Variants in ITGBL1 observed in about 807,000 individuals in gnomAD.
The protein encoded by ITGBL1 is integrin subunit beta like 1, also known as integrin beta-like protein 1.
A neutral mutation model predicts 68.5 loss-of-function variants in ITGBL1; 51 were observed. The ratio of observed to expected loss-of-function variants is 0.74; its 90% CI spans 0.59 to 0.94. The LOEUF (loss-of-function observed/expected upper bound fraction) is 0.94. Among genes scored for constraint, ITGBL1 ranks in the 40% least tolerant of loss-of-function variants. The pLI is 0.00. For missense variants in ITGBL1, 649 were observed against 647.4 expected (o/e 1.00, Z -0.03); for synonymous variants, 209 against 227.3 (o/e 0.92, Z 0.72).
Position 101,715,835 on chromosome 13 carries a change from G to T in ITGBL1, c.*181G>T. 1 of 467,120 alleles carries T rather than the reference G, an allele frequency of 2.1e-6. No homozygotes were observed. 28.9% of individuals were successfully genotyped at this position (467,120 alleles called of 1,614,324 possible). A position where few individuals can be genotyped will look rare whatever the true frequency, so the allele number is the denominator to read the frequency against. ...AGAAATGAGTTATGCAAATTTAGATGCAAATAACATTAGAAAAAAAAGATT... is the reference window on the plus strand; with the variant it reads ...AGAAATGAGTTATGCAAATTTAGATTCAAATAACATTAGAAAAAAAAGATT... On this transcript the variant is annotated 3_prime_UTR_variant, in exon 11 of 11. Coordinates refer to ENST00000376180, the MANE Select transcript of ITGBL1 (RefSeq NM_004791.3).
intron 2 of ITGBL1, among the ~76,000 whole-genome samples, chr13:101,508,198 A>G (rs956938653): frequency 1.3e-5 from 2 of 152,172 alleles, no homozygotes; most frequent in Admixed American, 6.6e-5. Flanking sequence ...TAAGCTCCAT[A>G]AAAGCAAGAA....
At chr13:101,615,869 G>A (rs909028729) in intron 7 of ITGBL1, among the ~76,000 whole-genome samples, 1 of 152,128 alleles carries the variant, frequency 6.6e-6, no homozygotes, top group Non-Finnish European at 1.5e-5. Flanking sequence ...CACCATGTGA[G>A]GACACAGTGA....
chr13:101,453,889 G>T lies in ITGBL1; in HGVS notation c.105G>T (p.Trp35Cys). 2 of 1,245,202 alleles carry T rather than the reference G, an allele frequency of 1.6e-6. No homozygotes were observed. The highest frequency in any genetic ancestry group is 1.0e-6 in the Non-Finnish European group (1 of 995,898). The allele number at this position is 1,245,202 out of a possible 1,614,324, so 77.1% of individuals were successfully genotyped here. The change falls in exon 2 of 11, where the codon TGG becomes TGT. Residue 35 changes from tryptophan to cysteine, a missense_variant. By Grantham distance (215) the Trp-to-Cys change is radical. Transcript: ENST00000376180. ...TTGCTTGTCGCCCGCGCAGGAGCTG[G>T]CCGGGCGCCGCCTGCAGGCTGTCCC... ...PQSFSPSLRSWPGAACRLSRA... is the reference protein window; with the variant it reads ...PQSFSPSLRSCPGAACRLSRA...
At chr13:101,471,614 G>A (rs1384951555) in intron 2 of ITGBL1, among the ~76,000 whole-genome samples, 1 of 151,550 alleles carries the variant, frequency 6.6e-6, no homozygotes, top group Non-Finnish European at 1.5e-5. Flanking sequence ...CTACAACTCA[G>A]CTAGGCAAGC....
chr13:101,463,446 G>A (rs1210541350), intron 2 of ITGBL1, among the ~76,000 whole-genome samples: 1 of 152,052 alleles, frequency 6.6e-6, no homozygotes, highest in African/African-American at 2.4e-5. Context: ...CCTGCCTTTT[G>A]TGTTCCTGTC....
At chr13:101,556,452 C>T (rs931762528) in intron 2 of ITGBL1, among the ~76,000 whole-genome samples, 13 of 151,972 alleles carry the variant, frequency 8.6e-5, no homozygotes, top group African/African-American at 2.9e-4. Flanking sequence ...GCCTGACCAA[C>T]ATGGAGAAAC....
chr13:101,708,029 AC>A (rs1249311083), intron 9 of ITGBL1, among the ~76,000 whole-genome samples: 5 of 36,608 alleles, frequency 1.4e-4, no homozygotes, highest in Non-Finnish European at 2.8e-4. Context: ...ACATGCAAAC[AC>A]ACACACACAC....
intron 2 of ITGBL1, among the ~76,000 whole-genome samples, chr13:101,477,811 T>C (rs1468330394): frequency 1.3e-5 from 2 of 151,828 alleles, no homozygotes; most frequent in African/African-American, 4.8e-5. Context: ...ATAACAGTAA[T>C]AAAATTGAAA....
At chr13:101,546,429 T>A (rs1395528756) in intron 2 of ITGBL1, among the ~76,000 whole-genome samples, 1 of 152,004 alleles carries the variant, frequency 6.6e-6, no homozygotes, top group Non-Finnish European at 1.5e-5. Context: ...AAATGAACAT[T>A]TTAAGGGTCC....
intron 7 of ITGBL1, among the ~76,000 whole-genome samples, chr13:101,631,801 C>A (rs1566766354): frequency 6.6e-6 from 1 of 152,080 alleles, no homozygotes; most frequent in South Asian, 2.1e-4. Flanking sequence ...GTCTCCACAG[C>A]TACAGCTAGT....
intron 8 of ITGBL1, among the ~76,000 whole-genome samples, chr13:101,705,307 A>AAAAAAAAAAC (rs1555367877): frequency 2.8e-5 from 4 of 144,944 alleles, no homozygotes; most frequent in African/African-American, 1.1e-4. Flanking sequence ...AAAAAAAAAA[A>AAAAAAAAAAC]AACAACAACA....
At chr13:101,640,941 A>G (rs2032347165) in intron 7 of ITGBL1, among the ~76,000 whole-genome samples, 1 of 152,214 alleles carries the variant, frequency 6.6e-6, no homozygotes, top group African/African-American at 2.4e-5. Context: ...CGTTGAAGGA[A>G]TGAAAAATAT....
chr13:101,567,059 G>T (rs1314395028), intron 2 of ITGBL1, among the ~76,000 whole-genome samples: 1 of 152,076 alleles, frequency 6.6e-6, no homozygotes, highest in Non-Finnish European at 1.5e-5. Context: ...CATCAAGCAG[G>T]ACTTAATAAC....
At chr13:101,620,740 ACTT>A (rs2139386486) in intron 7 of ITGBL1, among the ~76,000 whole-genome samples, 1 of 152,296 alleles carries the variant, frequency 6.6e-6, no homozygotes, top group African/African-American at 2.4e-5. Flanking sequence ...CAGTCATCTT[ACTT>A]CACTCAAAAT....
intron 8 of ITGBL1, among the ~76,000 whole-genome samples, chr13:101,705,542 C>A (rs2034243651): frequency 6.6e-6 from 1 of 151,952 alleles, no homozygotes; most frequent in African/African-American, 2.4e-5. Flanking sequence ...ATTCTCACAG[C>A]CATCTATTTC....
chr13:101,546,620 A>G (rs1247824905), intron 2 of ITGBL1, among the ~76,000 whole-genome samples: 1 of 152,156 alleles, frequency 6.6e-6, no homozygotes, highest in Admixed American at 6.6e-5. Context: ...GAAAAGCAAC[A>G]GACAAACCTA....
chr13:101,660,924 AT>A (rs1043504252), intron 7 of ITGBL1, among the ~76,000 whole-genome samples: 7 of 152,156 alleles, frequency 4.6e-5, no homozygotes, highest in Non-Finnish European at 1.5e-5. Context: ...ACTGCTCTAA[AT>A]TTGTTACCAA....
intron 7 of ITGBL1, among the ~76,000 whole-genome samples, chr13:101,617,550 A>G (rs2031415526): frequency 6.6e-6 from 1 of 152,178 alleles, no homozygotes; most frequent in Admixed American, 6.5e-5. Context: ...GAAGAGAAAT[A>G]ATTTTAATTT....
chr13:101,511,201 G>GA (rs886306495), intron 2 of ITGBL1, among the ~76,000 whole-genome samples: 6 of 151,210 alleles, frequency 4.0e-5, no homozygotes, highest in Admixed American at 1.3e-4. Context: ...ACTCCAATTT[G>GA]AAAAAAAAGA....
Sources: gnomAD v4.1 joint callset for allele counts (sites outside exome capture counted in the v4.1 genomes callset) on GRCh38, gnomAD v4.1.1 for gene constraint, MANE v1.5 for transcripts, NCBI Gene and HGNC (gene_info 2026-07-23, HGNC 2026-07-21) for gene names.